DSCAM: variants seen among roughly 807,000 people sequenced by gnomAD.
The protein encoded by DSCAM is DS cell adhesion molecule.
Under a neutral mutation model 217.7 loss-of-function variants are expected in DSCAM, and 47 were observed. That is an observed-to-expected ratio of 0.22 (90% CI 0.17 to 0.28). The LOEUF is 0.28. Among genes scored for constraint, DSCAM ranks in the 10% least tolerant of loss-of-function variants. The pLI is 1.00. For missense variants in DSCAM, 2,080 were observed against 2,618.3 expected, an observed-to-expected ratio of 0.79 and a Z score of 4.49; for synonymous variants, 1,056 against 1,015.3, an observed-to-expected ratio of 1.04 and a Z score of -0.76.
intron 23 of DSCAM, among the ~76,000 whole-genome samples, chr21:40,085,370 G>T (rs1454992252): frequency 6.6e-6 from 1 of 152,150 alleles, no homozygotes; most frequent in Non-Finnish European, 1.5e-5. Flanking sequence ...TAGGCTTTCT[G>T]TATGCAAAGA....
intron 8 of DSCAM, among the ~76,000 whole-genome samples, chr21:40,335,248 TA>T (rs920542719): frequency 9.2e-5 from 14 of 152,262 alleles, no homozygotes; most frequent in Admixed American, 8.5e-4. Context: ...AAATACCACA[TA>T]AAATAATATT....
intron 9 of DSCAM, among the ~76,000 whole-genome samples, chr21:40,300,625 G>A (rs1005223779): frequency 1.3e-5 from 2 of 152,194 alleles, no homozygotes; most frequent in Non-Finnish European, 2.9e-5. Context: ...AAAAACAATT[G>A]TCCATCACTG....
At chr21:40,371,938 T>A (rs1172044615) in intron 3 of DSCAM, among the ~76,000 whole-genome samples, 1 of 152,198 alleles carries the variant, frequency 6.6e-6, no homozygotes, top group Non-Finnish European at 1.5e-5. Flanking sequence ...TTTGACCTCC[T>A]TTGTCTAGTC....
intron 1 of DSCAM, among the ~76,000 whole-genome samples, chr21:40,746,379 A>G (rs1396238838): frequency 6.6e-6 from 1 of 151,568 alleles, no homozygotes; most frequent in Non-Finnish European, 1.5e-5. Context: ...TTGAAGCAAA[A>G]AAAAAAAGCA....
intron 1 of DSCAM, among the ~76,000 whole-genome samples, chr21:40,760,889 C>A (rs2091326361): frequency 6.6e-6 from 1 of 152,208 alleles, no homozygotes; most frequent in Admixed American, 6.5e-5. Context: ...AGACACCTCA[C>A]TGAGAATCAA....
At chr21:40,462,866 A>G in intron 3 of DSCAM, among the ~76,000 whole-genome samples, 1 of 152,170 alleles carries the variant, frequency 6.6e-6, no homozygotes, top group East Asian at 1.9e-4. Context: ...GGGGGCCAGG[A>G]GAAGAGTCAT....
At chr21:40,104,174 T>C (rs1421980515) in intron 20 of DSCAM, among the ~76,000 whole-genome samples, 2 of 150,708 alleles carry the variant, frequency 1.3e-5, no homozygotes, top group Non-Finnish European at 2.9e-5. Flanking sequence ...CCATGAAAAT[T>C]ATCTATCTGT....
At chr21:40,414,372 C>T (rs1263112967) in intron 3 of DSCAM, among the ~76,000 whole-genome samples, 1 of 152,128 alleles carries the variant, frequency 6.6e-6, no homozygotes, top group Admixed American at 6.6e-5. Context: ...AGTCAATTAG[C>T]ATATTTTAAA....
chr21:40,169,518 C>T (rs1394587103), intron 15 of DSCAM, among the ~76,000 whole-genome samples: 2 of 152,096 alleles, frequency 1.3e-5, no homozygotes, highest in South Asian at 2.1e-4. Context: ...TCCACAGCTC[C>T]GTCCTCGCAC....
At chr21:40,486,152 C>A (rs1037079641) in intron 3 of DSCAM, among the ~76,000 whole-genome samples, 1 of 152,194 alleles carries the variant, frequency 6.6e-6, no homozygotes, top group African/African-American at 2.4e-5. Flanking sequence ...TAAGGAGAGA[C>A]CCCTATCCAC....
intron 32 of DSCAM, among the ~76,000 whole-genome samples, chr21:40,025,771 T>C (rs1277630793): frequency 1.3e-5 from 2 of 150,950 alleles, no homozygotes; most frequent in Non-Finnish European, 1.5e-5. Context: ...TTTTTCTCTT[T>C]ATTAGTCTTG....
chr21:40,200,267 C>T (rs1013415485), intron 11 of DSCAM, among the ~76,000 whole-genome samples: 1 of 152,142 alleles, frequency 6.6e-6, no homozygotes, highest in Non-Finnish European at 1.5e-5. Context: ...TCTTCCCAAC[C>T]TGAAACTTGG....
At chr21:40,536,492 C>G (rs918594007) in intron 3 of DSCAM, among the ~76,000 whole-genome samples, 40 of 151,658 alleles carry the variant, frequency 2.6e-4, no homozygotes, top group Admixed American at 4.6e-4. Flanking sequence ...AGCTCCGCCT[C>G]CCGGGTTCAC....
intron 3 of DSCAM, among the ~76,000 whole-genome samples, chr21:40,615,754 G>A (rs752795000): frequency 1.8e-4 from 27 of 152,086 alleles, no homozygotes; most frequent in Non-Finnish European, 3.1e-4. Flanking sequence ...TCTTTCCTGG[G>A]CAGAGAGCTC....
chr21:40,569,242 A>T lies in DSCAM; in HGVS notation c.508+123568T>A, dbSNP rs76190864. On this transcript the variant is annotated intron_variant, in intron 3 of 32. Transcript: ENST00000400454. Reference sequence around the variant, plus strand: ...TAACACATACTGTGCCACACTGTGGAATAGACCCTTACTCTTGTGATAAAC... The same window carrying T: ...TAACACATACTGTGCCACACTGTGGTATAGACCCTTACTCTTGTGATAAAC... Among the ~76,000 whole-genome samples, 1,313 of 152,268 alleles carry T rather than the reference A, an allele frequency of 8.6e-3. 15 individuals are homozygous for T. Among genetic ancestry groups the T allele is most frequent in the African/African-American group, 0.03 (1,248 of 41,554 alleles).
chr21:40,185,394 C>T (rs1300601687), intron 14 of DSCAM, among the ~76,000 whole-genome samples: 2 of 152,140 alleles, frequency 1.3e-5, no homozygotes, highest in African/African-American at 4.8e-5. Flanking sequence ...CAACGCAGGC[C>T]CAGCAGCGAA....
intron 1 of DSCAM, among the ~76,000 whole-genome samples, chr21:40,845,468 C>T (rs548549277): frequency 8.0e-4 from 122 of 152,096 alleles, no homozygotes; most frequent in Admixed American, 1.6e-3. Flanking sequence ...CTTAGAGCCT[C>T]CCCTTTGCTT....
intron 3 of DSCAM, among the ~76,000 whole-genome samples, chr21:40,657,637 A>G (rs1218700506): frequency 6.6e-6 from 1 of 152,218 alleles, no homozygotes; most frequent in Non-Finnish European, 1.5e-5. Context: ...AATAAAATTG[A>G]CAGGCAGAAA....
rs148454016 is a variant in DSCAM at position 40,703,542 on chromosome 21, C to CCA, written c.361+4910_361+4911dup. Among the ~76,000 whole-genome samples, 23 of 150,736 alleles carry CCA rather than the reference C, an allele frequency of 1.5e-4. No homozygotes were observed. The South Asian group carries it at 1.7e-3, about 11-fold the overall frequency. On this transcript the variant is annotated intron_variant, in intron 2 of 32. Coordinates refer to ENST00000400454, the MANE Select transcript of DSCAM (RefSeq NM_001389.5). The stretch of plus-strand genomic sequence containing the variant: ...TCATAAAACACACATATACACACAT[C>CCA]CACACACACACACACCCAACAGCAA...
Sources: gnomAD v4.1 joint callset for allele counts (sites outside exome capture counted in the v4.1 genomes callset) on GRCh38, gnomAD v4.1.1 for gene constraint, MANE v1.5 for transcripts, NCBI Gene and HGNC (gene_info 2026-07-23, HGNC 2026-07-21) for gene names.